Variants in ACOXL observed in about 807,000 individuals in gnomAD.
ACOXL encodes the protein acyl-CoA oxidase like.
In ACOXL, 70 loss-of-function variants were observed where a neutral mutation model predicts 71.9. The ratio of observed to expected loss-of-function variants is 0.97; its 90% CI spans 0.80 to 1.19. The LOEUF is 1.19. Among genes scored for constraint, ACOXL ranks in the 50% most tolerant of loss-of-function variants. ACOXL has a pLI of 0.00. For missense variants in ACOXL, 703 were observed against 736.3 expected (o/e 0.95, Z 0.52); for synonymous variants, 253 against 281.6 (o/e 0.90, Z 1.02).
intron 9 of ACOXL, among the ~76,000 whole-genome samples, chr2:110,822,412 C>T (rs1440411237): frequency 6.6e-6 from 1 of 152,114 alleles, no homozygotes; most frequent in Non-Finnish European, 1.5e-5. Context: ...TATTCAGTTC[C>T]AGCCTTCACG....
Position 111,117,828 on chromosome 2 carries a change from G to A in ACOXL, c.*12G>A, listed in dbSNP as rs962538266. 10 of 1,542,892 alleles carry A rather than the reference G, an allele frequency of 6.5e-6. No individual in the cohort carries two copies. The highest frequency in any genetic ancestry group is 2.7e-5 in the African/African-American group (2 of 72,922). On this transcript the variant is annotated 3_prime_UTR_variant, in exon 18 of 18. Coordinates refer to ENST00000439055, the MANE Select transcript of ACOXL (RefSeq NM_001142807.4). ...GAGCCAAGCTCTAACGGGTGTGGCG[G>A]GAAGTGTGGTGGCCCGCCAGCAGCT...
intron 16 of ACOXL, among the ~76,000 whole-genome samples, chr2:111,057,662 C>T (rs1441769416): frequency 6.6e-6 from 1 of 152,220 alleles, no homozygotes; most frequent in Non-Finnish European, 1.5e-5. Context: ...TGTGCATTTA[C>T]ACTTCGCCTA....
At chr2:110,908,428 G>C (rs2059536632) in intron 10 of ACOXL, among the ~76,000 whole-genome samples, 2 of 152,178 alleles carry the variant, frequency 1.3e-5, no homozygotes, top group Non-Finnish European at 2.9e-5. Flanking sequence ...TATTGCTCCT[G>C]TCCTATTAAT....
chr2:111,080,751 A>G (rs1412251058), intron 16 of ACOXL, among the ~76,000 whole-genome samples: 2 of 152,220 alleles, frequency 1.3e-5, no homozygotes, highest in African/African-American at 4.8e-5. Flanking sequence ...TCCCTGATGA[A>G]CAATGATGTG....
chr2:110,893,045 CA>C (rs1195780537), intron 10 of ACOXL, among the ~76,000 whole-genome samples: 16 of 152,082 alleles, frequency 1.1e-4, no homozygotes, highest in African/African-American at 3.9e-4. Context: ...GTAACATAGG[CA>C]AAGTACAATA....
chr2:111,083,083 G>T (rs1439503331), intron 16 of ACOXL, among the ~76,000 whole-genome samples: 2 of 152,104 alleles, frequency 1.3e-5, no homozygotes, highest in African/African-American at 4.8e-5. Flanking sequence ...ACCTAATGTA[G>T]ATGATGGGTT....
chr2:110,919,220 G>A (rs1473657635), intron 11 of ACOXL, among the ~76,000 whole-genome samples: 4 of 152,166 alleles, frequency 2.6e-5, no homozygotes, highest in Non-Finnish European at 4.4e-5. Flanking sequence ...AGACTACTAT[G>A]CAGCCATGAA....
intron 14 of ACOXL, among the ~76,000 whole-genome samples, chr2:111,006,117 CT>C (rs1199646707): frequency 6.6e-6 from 1 of 152,170 alleles, no homozygotes; most frequent in African/African-American, 2.4e-5. Flanking sequence ...TTGCATTGAG[CT>C]TGATGTATTT....
At chr2:110,853,363 C>G (rs889839950) in intron 10 of ACOXL, among the ~76,000 whole-genome samples, 1 of 152,204 alleles carries the variant, frequency 6.6e-6, no homozygotes, top group Admixed American at 6.5e-5. Context: ...CTGCCCTCGA[C>G]TGAGAGCTCC....
At chr2:111,009,609 A>G (rs1304356677) in intron 14 of ACOXL, among the ~76,000 whole-genome samples, 1 of 152,202 alleles carries the variant, frequency 6.6e-6, no homozygotes, top group Non-Finnish European at 1.5e-5. Flanking sequence ...AAGAAGCCGC[A>G]GAGAGGGAAG....
At chr2:111,060,994 AAAAC>A (rs1486474217) in intron 16 of ACOXL, among the ~76,000 whole-genome samples, 4 of 152,220 alleles carry the variant, frequency 2.6e-5, no homozygotes, top group African/African-American at 7.2e-5. Flanking sequence ...GATGGAATGA[AAAAC>A]AAAGAGAGCA....
chr2:110,753,907 C>A (rs1358923736), intron 1 of ACOXL, among the ~76,000 whole-genome samples: 2 of 151,944 alleles, frequency 1.3e-5, no homozygotes, highest in African/African-American at 2.4e-5. Flanking sequence ...AAAATTTAGC[C>A]ATTTGAGTAG....
chr2:110,884,334 C>G (rs1697042263), intron 10 of ACOXL, among the ~76,000 whole-genome samples: 2 of 152,160 alleles, frequency 1.3e-5, no homozygotes, highest in African/African-American at 4.8e-5. Context: ...TTTCCTTTTT[C>G]CTGGTACAGG....
At chr2:110,856,940 A>G (rs1279090527) in intron 10 of ACOXL, among the ~76,000 whole-genome samples, 1 of 152,208 alleles carries the variant, frequency 6.6e-6, no homozygotes, top group African/African-American at 2.4e-5. Context: ...CTCTCTGACA[A>G]TTCTTTGTGC....
chr2:110,788,422 T>C (rs1684253115), intron 3 of ACOXL, among the ~76,000 whole-genome samples: 1 of 152,138 alleles, frequency 6.6e-6, no homozygotes, highest in Admixed American at 6.6e-5. Context: ...ATATAAAATA[T>C]CTAGAATAGA....
Position 110,976,525 on chromosome 2 carries a change from T to TA in ACOXL, c.1060-10582dup, listed in dbSNP as rs371744449. 2.6e-3 allele frequency among the ~76,000 whole-genome samples: 402 copies of TA among 152,370 alleles called. 1 individual carries two copies. Among genetic ancestry groups the TA allele is most frequent in the Non-Finnish European group, 4.9e-3 (334 of 68,036 alleles). On this transcript the variant is annotated intron_variant, in intron 12 of 17. Coordinates refer to ENST00000439055, the MANE Select transcript of ACOXL (RefSeq NM_001142807.4). ...TCAAATGCACTATAAGTTCACTTGA[T>TA]ATGCATTTTCTGAAAAATGTTACTT... is the stretch of plus-strand genomic sequence containing the variant.
chr2:111,111,157 T>C, intron 17 of ACOXL, among the ~76,000 whole-genome samples: 1 of 152,126 alleles, frequency 6.6e-6, no homozygotes, highest in Admixed American at 6.6e-5. Context: ...TGGAGTGCAG[T>C]GGCATGATCT....
intron 10 of ACOXL, among the ~76,000 whole-genome samples, chr2:110,871,837 C>T (rs1160524819): frequency 6.6e-6 from 1 of 152,158 alleles, no homozygotes; most frequent in African/African-American, 2.4e-5. Flanking sequence ...GGGACGCTTC[C>T]TTTGGTTGCC....
chr2:110,948,661 A>G lies in ACOXL; in HGVS notation c.1059+15019A>G, dbSNP rs558298501. ...GAGGGATTGTGAATGTAGACAGCTA[A>G]GACCACTCAGGAGCCAGGGACCAAG... On this transcript the variant is annotated intron_variant, in intron 12 of 17. Transcript: ENST00000439055. Among the ~76,000 whole-genome samples the G allele has an allele frequency of 3.3e-5, 5 of 150,224 alleles. No individual in the cohort carries two copies. The South Asian group carries it at 1.1e-3, about 32-fold the overall frequency.
Sources: allele counts gnomAD v4.1 joint callset (sites outside exome capture counted in the v4.1 genomes callset), GRCh38; gene constraint gnomAD v4.1.1; transcripts MANE v1.5; gene names NCBI Gene and HGNC (gene_info 2026-07-23, HGNC 2026-07-21).